KIRREL3: variants seen among roughly 807,000 people sequenced by gnomAD.
KIRREL3 encodes the protein kin of IRRE-like protein 3.
KIRREL3 carries 36 observed loss-of-function variants against 89.7 expected under a neutral mutation model. The ratio of observed to expected loss-of-function variants is 0.40; its 90% CI spans 0.31 to 0.53. The LOEUF (loss-of-function observed/expected upper bound fraction) is 0.53. KIRREL3 is among the 20% of genes least tolerant of loss of function. KIRREL3 has a pLI of 0.49. For missense variants in KIRREL3, 864 were observed against 1,056.6 expected (o/e 0.82, Z 2.53); for synonymous variants, 445 against 441.4 (o/e 1.01, Z -0.10).
intron 1 of KIRREL3, among the ~76,000 whole-genome samples, chr11:126,706,747 C>T (rs1246601398): frequency 6.6e-6 from 1 of 152,122 alleles, no homozygotes; most frequent in Admixed American, 6.6e-5. Context: ...ATATGTTTAT[C>T]AGCTATATTT....
At position 126,899,959 on chromosome 11, in the gene KIRREL3, C is replaced by G. The variant is rs964179120; in HGVS notation, c.55+100496G>C. On this transcript the variant is annotated intron_variant, in intron 1 of 16. Coordinates refer to ENST00000525144, the MANE Select transcript of KIRREL3 (RefSeq NM_032531.4). ...GCTTTCCTAGTGCTCAAATCTTCTA[C>G]AAAGCCAAAACCGCTCTTTAGTTAA... 9.2e-5 allele frequency among the ~76,000 whole-genome samples: 14 copies of G among 152,316 alleles called. No homozygotes were observed. The South Asian group carries it at 1.0e-3, about 11-fold the overall frequency.
chr11:126,936,711 T>C (rs1948206060), intron 1 of KIRREL3: 2 of 152,136 alleles, frequency 1.3e-5, no homozygotes, highest in South Asian at 4.1e-4. Context: ...AAGACAAATC[T>C]CTAGCAATAG....
intron 1 of KIRREL3, among the ~76,000 whole-genome samples, chr11:126,884,906 T>A (rs1005115669): frequency 6.6e-6 from 1 of 152,064 alleles, no homozygotes; most frequent in Non-Finnish European, 1.5e-5. Context: ...AATTAGACAG[T>A]CAACACATGA....
rs375109315 is a variant in KIRREL3, at chr11:126,749,643, T to C, written c.56-186731A>G. On this transcript the variant is annotated intron_variant, in intron 1 of 16. Transcript: ENST00000525144. The stretch of plus-strand genomic sequence containing the variant: ...TCCCCACCCCAGCAAAAAGTCCCTC[T>C]TAAAAAAAAAAAGTCAGCCATTCAT... Among the ~76,000 whole-genome samples the C allele has an allele frequency of 2.4e-5, 3 of 124,638 alleles. No homozygotes were observed. The Admixed American group carries it at 2.8e-4, about 12-fold the overall frequency. 81.8% of individuals were successfully genotyped at this position (124,638 alleles called of 152,430 possible). A position where few individuals can be genotyped will look rare whatever the true frequency, so the allele number is the denominator to read the frequency against.
intron 1 of KIRREL3, among the ~76,000 whole-genome samples, chr11:126,818,065 A>C (rs537825847): frequency 6.6e-6 from 1 of 152,354 alleles, no homozygotes; most frequent in East Asian, 1.9e-4. Flanking sequence ...GGATGCCTCG[A>C]CTTAGCAGAC....
intron 1 of KIRREL3, among the ~76,000 whole-genome samples, chr11:126,699,055 T>A (rs752695914): frequency 1.3e-5 from 2 of 152,164 alleles, no homozygotes; most frequent in Non-Finnish European, 2.9e-5. Context: ...CCTAAGTAGT[T>A]ACTGGAAGGG....
At chr11:126,839,097 A>T (rs924902992) in intron 1 of KIRREL3, among the ~76,000 whole-genome samples, 5 of 152,246 alleles carry the variant, frequency 3.3e-5, no homozygotes, top group Non-Finnish European at 4.4e-5. Context: ...ATGAGCCATG[A>T]AAAAGTTTTT....
chr11:126,613,315 C>T (rs1343781945), intron 1 of KIRREL3, among the ~76,000 whole-genome samples: 3 of 152,158 alleles, frequency 2.0e-5, no homozygotes, highest in Non-Finnish European at 2.9e-5. Context: ...ATGATTTTCT[C>T]CAACACAGAA....
intron 1 of KIRREL3, among the ~76,000 whole-genome samples, chr11:126,599,721 C>G (rs1942562497): frequency 6.6e-6 from 1 of 152,340 alleles, no homozygotes; most frequent in East Asian, 1.9e-4. Flanking sequence ...ACTCCCTCAT[C>G]TCTGGTCCAT....
Position 126,523,853 on chromosome 11 carries a change from C to A in KIRREL3, c.284-2389G>T, listed in dbSNP as rs1958669699. Among the ~76,000 whole-genome samples the A allele has an allele frequency of 6.6e-6, 1 of 152,186 alleles. No homozygotes were observed. Among genetic ancestry groups the A allele is most frequent in the Non-Finnish European group, 1.5e-5 (1 of 68,032 alleles). Reference sequence around the variant, plus strand: ...GCTTCTGTTTCTGTTGTCTTGCAAGCTATCAGCAGCAGGATTTTGCTCTCA... The same window carrying A: ...GCTTCTGTTTCTGTTGTCTTGCAAGATATCAGCAGCAGGATTTTGCTCTCA... On this transcript the variant is annotated intron_variant, in intron 3 of 16. Transcript: ENST00000525144. The surrounding 1 kb of genome is among the most constrained non-coding windows in gnomAD (Gnocchi z 4.9).
intron 9 of KIRREL3, among the ~76,000 whole-genome samples, chr11:126,446,286 C>CTTTG (rs146094656): frequency 8.5e-4 from 4 of 4,680 alleles, no homozygotes; most frequent in Non-Finnish European, 1.9e-3. Context: ...TTTCTTTCTC[C>CTTTG]TTTCTTTCTT....
In KIRREL3 at chr11:126,664,833, G is replaced by T. The variant is rs1464912786; in HGVS notation, c.56-101921C>A. ...ACTTCCTCATCTATGAACCTCTTGT[G>T]CCCTTAGACAGGGGGGCATTCCCTG... On this transcript the variant is annotated intron_variant, in intron 1 of 16. Transcript: ENST00000525144. This position sits in a 1 kb window ranked among gnomAD's most constrained non-coding sequence, Gnocchi z 5.4. 6.6e-6 allele frequency among the ~76,000 whole-genome samples: 1 copy of T among 152,190 alleles called. No individual in the cohort carries two copies. Among genetic ancestry groups the T allele is most frequent in the Non-Finnish European group, 1.5e-5 (1 of 68,052 alleles).
rs533052105 is a variant in KIRREL3, at chr11:126,455,510, C to A, written c.848+839G>T. 2.0e-5 allele frequency among the ~76,000 whole-genome samples: 3 copies of A among 152,084 alleles called. No homozygotes were observed. The highest frequency in any genetic ancestry group is 4.4e-5 in the Non-Finnish European group (3 of 68,028). ...AAAACAAAAACAGTGATGCTTTGGC[C>A]GGGTGCGGTGGCTCATGCCTGTAAT... On this transcript the variant is annotated intron_variant, in intron 7 of 16. Transcript: ENST00000525144. The surrounding 1 kb of genome is among the most constrained non-coding windows in gnomAD (Gnocchi z 6.4).
chr11:126,529,671 A>G (rs1175585009), intron 2 of KIRREL3, among the ~76,000 whole-genome samples: 1 of 150,712 alleles, frequency 6.6e-6, no homozygotes, highest in African/African-American at 2.4e-5. Context: ...TGGCTTTTCT[A>G]TGGAAAGACT....
chr11:126,749,658 C>T (rs147728793), intron 1 of KIRREL3, among the ~76,000 whole-genome samples: 109 of 151,764 alleles, frequency 7.2e-4, no homozygotes, highest in Non-Finnish European at 1.3e-3. Flanking sequence ...AAAAAAAAGT[C>T]AGCCATTCAT....
In KIRREL3 at chr11:126,724,437, G is replaced by A. The variant is rs1948297859; in HGVS notation, c.56-161525C>T. Reference sequence around the variant, plus strand: ...GACAAGATGCAGAGTGAGTGAGCCAGCAGATGGACACCCTGGAGGTTCGGA... The same window carrying A: ...GACAAGATGCAGAGTGAGTGAGCCAACAGATGGACACCCTGGAGGTTCGGA... On this transcript the variant is annotated intron_variant, in intron 1 of 16. Coordinates refer to ENST00000525144, the MANE Select transcript of KIRREL3 (RefSeq NM_032531.4). This position sits in a 1 kb window ranked among gnomAD's most constrained non-coding sequence, Gnocchi z 4.3. Among the ~76,000 whole-genome samples the A allele has an allele frequency of 6.6e-6, 1 of 152,202 alleles. No individual in the cohort carries two copies. Among genetic ancestry groups the A allele is most frequent in the African/African-American group, 2.4e-5 (1 of 41,446 alleles).
At chr11:126,810,434 CA>C (rs1951344162) in intron 1 of KIRREL3, among the ~76,000 whole-genome samples, 1 of 152,162 alleles carries the variant, frequency 6.6e-6, no homozygotes, top group African/African-American at 2.4e-5. Context: ...TTCTGGTCAG[CA>C]CTTTAAAAAT....
At position 126,669,203 on chromosome 11, in the gene KIRREL3, G is replaced by C. The variant is rs191516042; in HGVS notation, c.56-106291C>G. 6.3e-4 allele frequency among the ~76,000 whole-genome samples: 96 copies of C among 152,202 alleles called. No homozygotes were observed. In the East Asian group the frequency reaches 0.017, roughly 26 times the overall value. On this transcript the variant is annotated intron_variant, in intron 1 of 16. Coordinates refer to ENST00000525144, the MANE Select transcript of KIRREL3 (RefSeq NM_032531.4). This position sits in a 1 kb window ranked among gnomAD's most constrained non-coding sequence, Gnocchi z 5.0. ...TTTGTTATGGCAAGAATTCCCTTTA[G>C]TGACTAGTGTTGGGAGTTGTTAGAC...
In KIRREL3 at chr11:126,492,594, C is replaced by T. The variant is rs957430579; in HGVS notation, c.434-19128G>A. Among the ~76,000 whole-genome samples, 5 of 152,114 alleles carry T rather than the reference C, an allele frequency of 3.3e-5. No homozygotes were observed. Among genetic ancestry groups the T allele is most frequent in the African/African-American group, 7.2e-5 (3 of 41,408 alleles). The stretch of plus-strand genomic sequence containing the variant: ...CCAATTGCCACCGCCACACAGCAAG[C>T]GTCACCTCAGCTGTTGGAGGGGAAC... On this transcript the variant is annotated intron_variant, in intron 4 of 16. Transcript: ENST00000525144. This position sits in a 1 kb window ranked among gnomAD's most constrained non-coding sequence, Gnocchi z 4.8.
Sources: allele counts gnomAD v4.1 joint callset (sites outside exome capture counted in the v4.1 genomes callset), GRCh38; gene constraint gnomAD v4.1.1; non-coding constraint Gnocchi (gnomAD v3.1); transcripts MANE v1.5; gene names NCBI Gene and HGNC (gene_info 2026-07-23, HGNC 2026-07-21).